Variants in MYO18B observed in about 807,000 individuals in gnomAD.
MYO18B encodes myosin XVIIIB.
In MYO18B, 204 loss-of-function variants were observed where a neutral mutation model predicts 273.0. The ratio of observed to expected loss-of-function variants is 0.75; its 90% CI spans 0.67 to 0.84. MYO18B has a LOEUF of 0.84. Ranked by LOEUF, MYO18B falls within the 40% of genes least tolerant of loss-of-function variation. The pLI is 0.00. For missense variants in MYO18B, 3,212 were observed against 3,287.6 expected (o/e 0.98, Z 0.56); for synonymous variants, 1,330 against 1,305.7 (o/e 1.02, Z -0.40).
At chr22:25,952,752 C>T (rs1377733935) in intron 38 of MYO18B, among the ~76,000 whole-genome samples, 1 of 152,172 alleles carries the variant, frequency 6.6e-6, no homozygotes, top group African/African-American at 2.4e-5. Flanking sequence ...TAGCCCTCAA[C>T]CCCTCTGTCT....
chr22:25,835,175 C>T (rs774209264), intron 16 of MYO18B, 121 bp from the exon 17 acceptor site: 18 of 1,237,660 alleles, frequency 1.5e-5, no homozygotes, highest in Middle Eastern at 5.5e-4. Context: ...TGGGTAGGCA[C>T]GTTCTGAGTC....
chr22:25,904,807 C>G (rs1375028979), intron 31 of MYO18B, among the ~76,000 whole-genome samples: 2 of 151,780 alleles, frequency 1.3e-5, no homozygotes, highest in Non-Finnish European at 1.5e-5. Flanking sequence ...ATAAAATAGA[C>G]ACTAAGGAGG....
the MYO18B span, among the ~76,000 whole-genome samples, chr22:26,045,074 G>GTT: frequency 1.4e-5 from 2 of 147,252 alleles, no homozygotes; most frequent in South Asian, 2.2e-4. Context: ...TTGGTTTTTG[G>GTT]TTTTTTTTTT....
intron 25 of MYO18B, among the ~76,000 whole-genome samples, chr22:25,887,075 G>T (rs1473264872): frequency 1.3e-5 from 2 of 152,216 alleles, no homozygotes; most frequent in African/African-American, 4.8e-5. Flanking sequence ...GCAAAAAGTT[G>T]CTGTTTCCTG....
chr22:25,757,688 A>C (rs2086168953), intron 1 of MYO18B, among the ~76,000 whole-genome samples: 1 of 152,166 alleles, frequency 6.6e-6, no homozygotes, highest in African/African-American at 2.4e-5. Context: ...AGTGAAGCAC[A>C]TTGCTCAGAG....
At chr22:25,995,102 G>A (rs931793995) in intron 40 of MYO18B, among the ~76,000 whole-genome samples, 7 of 152,170 alleles carry the variant, frequency 4.6e-5, no homozygotes, top group Admixed American at 6.5e-5. Context: ...GTACTATTCA[G>A]CCATAAAAAA....
In MYO18B at chr22:25,846,175, C is replaced by A; in HGVS notation, c.3444C>A (p.Gly1148=). ...PVCRAVAGLE[G]TSQQALQRSR... ...GCCGGGCTGTGGCAGGCCTGGAGGG[C>A]ACCTCCCAGCAGGCCCTGCAGAGGA... Residue 1148 remains glycine (G), a synonymous_variant, in exon 19 of 44, where the codon GGC becomes GGA. Transcript: ENST00000335473. 1 of 1,611,316 alleles carries A rather than the reference C, an allele frequency of 6.2e-7. No homozygotes were observed. Among genetic ancestry groups the A allele is most frequent in the South Asian group, 1.1e-5 (1 of 90,678 alleles).
intron 35 of MYO18B, 108 bp from the exon 36 acceptor site, chr22:25,947,604 A>T (rs895127753): frequency 1.3e-5 from 9 of 706,924 alleles, no homozygotes; most frequent in Non-Finnish European, 2.4e-6. Context: ...ATTGATGGTC[A>T]CTCACCTCAC....
At chr22:25,791,522 G>T (rs945753747) in intron 11 of MYO18B, among the ~76,000 whole-genome samples, 2 of 152,182 alleles carry the variant, frequency 1.3e-5, no homozygotes, top group African/African-American at 4.8e-5. Context: ...CTTGAGATCT[G>T]CCAAGCACCA....
rs148697999 is a variant in MYO18B at position 25,911,284 on chromosome 22, C to G, written c.5364+234C>G. Among the ~76,000 whole-genome samples the G allele has an allele frequency of 2.1e-4, 32 of 152,340 alleles. No individual in the cohort carries two copies. In the East Asian group the frequency reaches 6.2e-3, roughly 29 times the overall value. The stretch of plus-strand genomic sequence containing the variant: ...AGCCAGGAGCAATGGATGAGGCTGT[C>G]TTTGCCTTCAGCAGCTGTTGGGATC... On this transcript the variant is annotated intron_variant, in intron 33 of 43. Transcript: ENST00000335473.
intron 42 of MYO18B, among the ~76,000 whole-genome samples, chr22:26,022,180 C>T (rs1004294605): frequency 3.3e-5 from 5 of 150,854 alleles, no homozygotes; most frequent in Admixed American, 6.6e-5. Flanking sequence ...GAAGCAGGCA[C>T]GGTAACATGT....
chr22:25,818,380 G>A, intron 12 of MYO18B, among the ~76,000 whole-genome samples: 1 of 152,160 alleles, frequency 6.6e-6, no homozygotes, highest in East Asian at 1.9e-4. Context: ...CTTGAGCATG[G>A]AGCCTGAGAT....
At chr22:25,960,134 C>T (rs1423637556) in intron 39 of MYO18B, among the ~76,000 whole-genome samples, 1 of 152,098 alleles carries the variant, frequency 6.6e-6, no homozygotes, top group Non-Finnish European at 1.5e-5. Flanking sequence ...AACTTTGCTT[C>T]CCAGAAAAAA....
intron 40 of MYO18B, among the ~76,000 whole-genome samples, chr22:25,996,376 C>G (rs574202026): frequency 6.6e-6 from 1 of 152,290 alleles, no homozygotes; most frequent in East Asian, 1.9e-4. Flanking sequence ...ATTCCACTTG[C>G]TTCTTGTTAT....
the MYO18B span, among the ~76,000 whole-genome samples, chr22:26,063,319 C>G: frequency 6.6e-6 from 1 of 152,150 alleles, no homozygotes. Context: ...GAACCCGATG[C>G]GTGAAGAGAA....
chr22:25,915,254 A>G (rs9624926), intron 33 of MYO18B, among the ~76,000 whole-genome samples: 10,327 of 152,200 alleles, frequency 0.068, 1,215 homozygotes, highest in African/African-American at 0.24. Flanking sequence ...TGACAGGGAT[A>G]CTTTCTGAGA....
At chr22:26,020,996 A>G (rs955409605) in intron 42 of MYO18B, among the ~76,000 whole-genome samples, 2 of 152,112 alleles carry the variant, frequency 1.3e-5, no homozygotes, top group African/African-American at 4.8e-5. Context: ...GGCGGAGGCA[A>G]GAGAATCACT....
At chr22:26,052,265 C>A in the MYO18B span, among the ~76,000 whole-genome samples, 4 of 152,260 alleles carry the variant, frequency 2.6e-5, no homozygotes, top group Middle Eastern at 3.4e-3. Context: ...GGATTCCCTC[C>A]AACTTGGCTG....
Position 25,977,614 on chromosome 22 carries a change from A to G in MYO18B, c.6157-14749A>G, listed in dbSNP as rs1255166007. ...TAGTTTGGCTAGTAGAGTACAGAGC[A>G]CATGCCTGAGTGGAGAGAATGAGGG... On this transcript the variant is annotated intron_variant, in intron 39 of 43. Coordinates refer to ENST00000335473, the MANE Select transcript of MYO18B (RefSeq NM_032608.7). Among the ~76,000 whole-genome samples the G allele has an allele frequency of 5.9e-5, 9 of 152,288 alleles. No individual in the cohort carries two copies. The South Asian group carries it at 1.0e-3, about 18-fold the overall frequency.
Sources: allele counts gnomAD v4.1 joint callset (sites outside exome capture counted in the v4.1 genomes callset), GRCh38; gene constraint gnomAD v4.1.1; transcripts MANE v1.5; gene names NCBI Gene and HGNC (gene_info 2026-07-23, HGNC 2026-07-21).